DNM3: variants seen among roughly 807,000 people sequenced by gnomAD.
DNM3 encodes dynamin 3.
In DNM3, 47 loss-of-function variants were observed where a neutral mutation model predicts 101.6. That is an observed-to-expected ratio of 0.46 (90% CI 0.37 to 0.59). The LOEUF is 0.59. Ranked by LOEUF, DNM3 falls within the 20% of genes least tolerant of loss-of-function variation. The pLI is 0.00. For synonymous variants in DNM3, 385 were observed against 387.9 expected (o/e 0.99, Z 0.09); for missense variants, 849 against 1,085.7 (o/e 0.78, Z 3.06).
intron 17 of DNM3, among the ~76,000 whole-genome samples, chr1:172,371,321 A>G (rs1281693229): frequency 1.3e-5 from 2 of 152,162 alleles, no homozygotes; most frequent in East Asian, 3.9e-4. Context: ...ACAAATGTTC[A>G]TTAGTAAGAT....
intron 13 of DNM3, 145 bp from the exon 14 acceptor site, chr1:172,131,030 A>C (rs1157463320): frequency 1.5e-6 from 1 of 680,646 alleles, no homozygotes; most frequent in East Asian, 2.8e-5. Context: ...ATTCTCTTGA[A>C]TAACTCAATG....
At chr1:171,933,726 A>G (rs1453653150) in intron 2 of DNM3, among the ~76,000 whole-genome samples, 1 of 152,142 alleles carries the variant, frequency 6.6e-6, no homozygotes, top group Non-Finnish European at 1.5e-5. Context: ...GAAAGGGAAC[A>G]TGATAGAAGG....
chr1:171,874,722 G>A (rs1208335807), intron 1 of DNM3, among the ~76,000 whole-genome samples: 3 of 151,872 alleles, frequency 2.0e-5, no homozygotes, highest in Non-Finnish European at 2.9e-5. Flanking sequence ...TGGGTAGATT[G>A]CATGATGCTG....
intron 15 of DNM3, among the ~76,000 whole-genome samples, chr1:172,299,660 A>G (rs2064342289): frequency 6.6e-6 from 1 of 152,142 alleles, no homozygotes; most frequent in South Asian, 2.1e-4. Context: ...GTGCATTAAT[A>G]TTATTAGGAT....
intron 14 of DNM3, among the ~76,000 whole-genome samples, chr1:172,247,609 G>T (rs1004758497): frequency 6.6e-6 from 1 of 150,988 alleles, no homozygotes; most frequent in Admixed American, 6.6e-5. Context: ...TGCCATTAGC[G>T]GCTTTTTCGT....
rs2033004284 is a variant in DNM3 at position 171,851,777 on chromosome 1, A to ACCTAACAG, written c.161+9960_161+9961insCCTAACAG. Among the ~76,000 whole-genome samples, 8 of 152,362 alleles carry ACCTAACAG rather than the reference A, an allele frequency of 5.3e-5. No homozygotes were observed. The South Asian group carries it at 1.7e-3, about 32-fold the overall frequency. On this transcript the variant is annotated intron_variant, in intron 1 of 20. Transcript: ENST00000627582. ...GTGGGCCATGATATCAGTTTAGTAGATGGTGTGTGACAGTGTTAAGCGAAG... is the reference window on the plus strand; with the variant it reads ...GTGGGCCATGATATCAGTTTAGTAGACCTAACAGTGGTGTGTGACAGTGTTAAGCGAAG...
intron 14 of DNM3, chr1:172,137,715 G>GA (rs1177008669): frequency 1.1e-4 from 17 of 152,122 alleles, no homozygotes; most frequent in African/African-American, 3.6e-4. Context: ...TAAGAAAGAT[G>GA]AAAATTAATT....
intron 20 of DNM3, among the ~76,000 whole-genome samples, chr1:172,403,864 C>A (rs1461286922): frequency 6.6e-6 from 1 of 152,088 alleles, no homozygotes; most frequent in African/African-American, 2.4e-5. Context: ...ACTTTGCTTT[C>A]CCCAAAACAA....
At chr1:172,298,142 G>A (rs2064255420) in intron 15 of DNM3, among the ~76,000 whole-genome samples, 1 of 152,014 alleles carries the variant, frequency 6.6e-6, no homozygotes, top group Admixed American at 6.5e-5. Context: ...TTTTAATGCT[G>A]TTCGTGTGCC....
chr1:172,392,716 A>AAAGGGTGGGAGG (rs2069628589), intron 20 of DNM3, among the ~76,000 whole-genome samples: 1 of 152,174 alleles, frequency 6.6e-6, no homozygotes, highest in Non-Finnish European at 1.5e-5. Flanking sequence ...GCAATAGTCA[A>AAAGGGTGGGAGG]AAGGGGATAA....
Position 172,345,042 on chromosome 1 carries a change from A to G in DNM3, c.1893+21702A>G, listed in dbSNP as rs148238389. ...TTCTATCTGTTGATCATTAATATGT[A>G]GGGTCTCATGTCCACATCAGATGTG... On this transcript the variant is annotated intron_variant, in intron 17 of 20. Transcript: ENST00000627582. 4.5e-3 allele frequency among the ~76,000 whole-genome samples: 686 copies of G among 152,350 alleles called. 7 individuals carry two copies. The highest frequency in any genetic ancestry group is 0.016 in the African/African-American group (653 of 41,584).
Position 172,370,354 on chromosome 1 carries a change from C to A in DNM3, c.1894-8664C>A, listed in dbSNP as rs182672403. On this transcript the variant is annotated intron_variant, in intron 17 of 20. Coordinates refer to ENST00000627582, the MANE Select transcript of DNM3 (RefSeq NM_015569.5). ...AAAAGTTCTCATTTTAAATAATTTG[C>A]CATTTTCTACTATATTTCCCTTTTA... 4.6e-5 allele frequency: 7 copies of A among 151,996 alleles called. No homozygotes were observed. The East Asian group carries it at 1.4e-3, about 30-fold the overall frequency. The allele number at this position is 151,996 out of a possible 1,614,324, so 9.4% of individuals were successfully genotyped here. A position where few individuals can be genotyped will look rare whatever the true frequency, so the allele number is the denominator to read the frequency against.
chr1:171,917,611 G>A (rs1437721712), intron 1 of DNM3, among the ~76,000 whole-genome samples: 1 of 152,158 alleles, frequency 6.6e-6, no homozygotes, highest in Non-Finnish European at 1.5e-5. Context: ...CCAGAGGGAA[G>A]CACTCTCTCT....
intron 1 of DNM3, among the ~76,000 whole-genome samples, chr1:171,908,961 T>C (rs1423688181): frequency 6.6e-6 from 1 of 152,168 alleles, no homozygotes; most frequent in African/African-American, 2.4e-5. Flanking sequence ...TTCTGCCTCC[T>C]TCCTTTTCTT....
intron 1 of DNM3, among the ~76,000 whole-genome samples, chr1:171,882,566 G>T (rs983069324): frequency 6.6e-6 from 1 of 151,728 alleles, no homozygotes; most frequent in Non-Finnish European, 1.5e-5. Context: ...TAACCACATA[G>T]ATATACAGCC....
chr1:172,030,518 AGCAATG>A (rs2048525720), intron 4 of DNM3, among the ~76,000 whole-genome samples: 1 of 152,316 alleles, frequency 6.6e-6, no homozygotes, highest in Admixed American at 6.5e-5. Context: ...AAAACACCAA[AGCAATG>A]GCAATAAAAG....
At chr1:172,159,646 T>C (rs1004774652) in intron 14 of DNM3, among the ~76,000 whole-genome samples, 1 of 152,090 alleles carries the variant, frequency 6.6e-6, no homozygotes, top group Non-Finnish European at 1.5e-5. Context: ...AATTTGGCAA[T>C]GTGTGTGCTC....
chr1:172,345,628 G>C (rs559226817), intron 17 of DNM3, among the ~76,000 whole-genome samples: 1 of 152,178 alleles, frequency 6.6e-6, no homozygotes, highest in African/African-American at 2.4e-5. Context: ...TCAAATACCT[G>C]ACTTTTAAGT....
chr1:172,064,942 G>A (rs2051536493), intron 10 of DNM3, among the ~76,000 whole-genome samples: 1 of 152,148 alleles, frequency 6.6e-6, no homozygotes, highest in African/African-American at 2.4e-5. Flanking sequence ...TGTCTCAATT[G>A]TAGGTACAAA....
Sources: allele counts gnomAD v4.1 joint callset (sites outside exome capture counted in the v4.1 genomes callset), GRCh38; gene constraint gnomAD v4.1.1; transcripts MANE v1.5; gene names NCBI Gene and HGNC (gene_info 2026-07-23, HGNC 2026-07-21).